Variants in FILIP1L observed in about 807,000 individuals in gnomAD.
FILIP1L encodes filamin A interacting protein 1 like.
A neutral mutation model predicts 96.6 loss-of-function variants in FILIP1L; 55 were observed. That is an observed-to-expected ratio of 0.57 (90% confidence interval 0.46 to 0.71). The LOEUF (loss-of-function observed/expected upper bound fraction) is 0.71. FILIP1L is among the 30% of genes least tolerant of loss of function. The pLI is 0.00. For synonymous variants in FILIP1L, 467 were observed against 473.9 expected (o/e 0.99, Z 0.19); for missense variants, 1,304 against 1,321.2 (o/e 0.99, Z 0.20).
Position 99,918,102 on chromosome 3 carries a change from T to A in FILIP1L, c.605+6128A>T, listed in dbSNP as rs142953951. On this transcript the variant is annotated intron_variant, in intron 4 of 5. Coordinates refer to ENST00000477258, the MANE Select transcript of FILIP1L (RefSeq NM_001387850.1). The stretch of plus-strand genomic sequence containing the variant: ...AAGTGATCCTTCTGCCTCAGCCTCC[T>A]GAGTAGCTGGGATTACAGGCGCGCG... Among the ~76,000 whole-genome samples the A allele has an allele frequency of 3.4e-3, 511 of 152,198 alleles. 1 individual carries two copies. The highest frequency in any genetic ancestry group is 5.5e-3 in the Non-Finnish European group (374 of 67,996).
At position 99,895,633 on chromosome 3, in the gene FILIP1L, A is replaced by G. The variant is rs79113905; in HGVS notation, c.605+28597T>C. Reference sequence around the variant, plus strand: ...TGGTTTTCGTATACCAAAAGGGGATAATCAGTGCAGATCGAAATAAACATT... The same window carrying G: ...TGGTTTTCGTATACCAAAAGGGGATGATCAGTGCAGATCGAAATAAACATT... On this transcript the variant is annotated intron_variant, in intron 4 of 5. Coordinates refer to ENST00000477258, the MANE Select transcript of FILIP1L (RefSeq NM_001387850.1). Among the ~76,000 whole-genome samples, 664 of 152,318 alleles carry G rather than the reference A, an allele frequency of 4.4e-3. 7 individuals are homozygous for G. The highest frequency in any genetic ancestry group is 0.016 in the African/African-American group (651 of 41,564).
At chr3:100,012,761 CT>C (rs35737304) in intron 1 of FILIP1L, among the ~76,000 whole-genome samples, 3,854 of 93,470 alleles carry the variant, frequency 0.041, 97 homozygotes, top group African/African-American at 0.079. Flanking sequence ...GAAGCATATT[CT>C]TTTTTTTTTT....
chr3:99,906,130 G>A (rs1226801198), intron 4 of FILIP1L, among the ~76,000 whole-genome samples: 2 of 152,210 alleles, frequency 1.3e-5, no homozygotes, highest in Non-Finnish European at 2.9e-5. Context: ...GGAGGCAGAG[G>A]TTGCAGTGAG....
chr3:99,975,577 C>T (rs1708945923), intron 1 of FILIP1L, among the ~76,000 whole-genome samples: 1 of 150,704 alleles, frequency 6.6e-6, no homozygotes, highest in South Asian at 2.1e-4. Flanking sequence ...GCAAATGAGA[C>T]TCCGTCTCAA....
chr3:100,029,214 A>G (rs1248402394), intron 1 of FILIP1L, among the ~76,000 whole-genome samples: 1 of 151,936 alleles, frequency 6.6e-6, no homozygotes, highest in Non-Finnish European at 1.5e-5. Flanking sequence ...TTGTCTAAAA[A>G]GAATTATTTT....
chr3:99,938,963 G>A (rs896872933), intron 1 of FILIP1L, among the ~76,000 whole-genome samples: 4 of 152,102 alleles, frequency 2.6e-5, no homozygotes, highest in African/African-American at 9.7e-5. Context: ...TTTAGTAATT[G>A]GCCTCCGTTA....
chr3:100,035,909 G>C (rs2107273917), intron 1 of FILIP1L, among the ~76,000 whole-genome samples: 1 of 152,258 alleles, frequency 6.6e-6, no homozygotes, highest in South Asian at 2.1e-4. Context: ...TCTATTATGT[G>C]ATTTGAACTT....
chr3:100,032,251 G>A lies in FILIP1L; in HGVS notation c.-11+81802C>T, dbSNP rs77447565. ...TCTTTCAGAGAGAGCAGATGGATGC[G>A]TTGGCCCTTGATTCTGTTTTAGGTA... On this transcript the variant is annotated intron_variant, in intron 1 of 5. Coordinates refer to ENST00000477258, the MANE Select transcript of FILIP1L (RefSeq NM_001387850.1). 2.0e-5 allele frequency among the ~76,000 whole-genome samples: 3 copies of A among 152,310 alleles called. 1 individual carries two copies. The highest frequency in any genetic ancestry group is 1.9e-4 in the East Asian group (1 of 5,190).
chr3:100,025,629 A>G (rs2064905825), intron 1 of FILIP1L: 1 of 152,158 alleles, frequency 6.6e-6, no homozygotes, highest in African/African-American at 2.4e-5. Flanking sequence ...AAGTGAAACA[A>G]GTCTTTGGGT....
At chr3:100,031,458 G>A (rs2065020713) in intron 1 of FILIP1L, among the ~76,000 whole-genome samples, 1 of 152,076 alleles carries the variant, frequency 6.6e-6, no homozygotes, top group African/African-American at 2.4e-5. Context: ...TGGTGATCTA[G>A]TAAGTGAGTG....
intron 1 of FILIP1L, among the ~76,000 whole-genome samples, chr3:100,096,207 C>A (rs1301686090): frequency 6.6e-6 from 1 of 152,062 alleles, no homozygotes; most frequent in East Asian, 1.9e-4. Context: ...TTTGGAGGTT[C>A]CTCAGAAAAC....
At chr3:99,942,211 AAAAG>A (rs1707872213) in intron 1 of FILIP1L, among the ~76,000 whole-genome samples, 1 of 152,172 alleles carries the variant, frequency 6.6e-6, no homozygotes, top group East Asian at 1.9e-4. Context: ...CAAAAAAAAA[AAAAG>A]AAGTTACTGT....
intron 4 of FILIP1L, among the ~76,000 whole-genome samples, chr3:99,854,566 T>C (rs1448524175): frequency 6.6e-6 from 1 of 152,212 alleles, no homozygotes; most frequent in Non-Finnish European, 1.5e-5. Context: ...TCAGCACTGT[T>C]GATATTTGGG....
intron 1 of FILIP1L, among the ~76,000 whole-genome samples, chr3:100,050,553 A>G (rs1359841268): frequency 6.6e-6 from 1 of 152,100 alleles, no homozygotes; most frequent in Non-Finnish European, 1.5e-5. Flanking sequence ...TTGTTTTGAG[A>G]CAGAGTCTCG....
intron 1 of FILIP1L, among the ~76,000 whole-genome samples, chr3:100,108,099 C>A (rs1195905809): frequency 1.3e-5 from 2 of 151,966 alleles, no homozygotes; most frequent in Non-Finnish European, 2.9e-5. Context: ...AACTTAGGGT[C>A]CCAAAGAAAA....
chr3:100,036,326 G>T (rs1026835340), intron 1 of FILIP1L, among the ~76,000 whole-genome samples: 1 of 152,118 alleles, frequency 6.6e-6, no homozygotes, highest in Non-Finnish European at 1.5e-5. Context: ...AAAAAGATGA[G>T]CCTGGAACAT....
intron 4 of FILIP1L, among the ~76,000 whole-genome samples, chr3:99,890,607 T>C (rs1706053889): frequency 6.6e-6 from 1 of 152,176 alleles, no homozygotes; most frequent in Admixed American, 6.5e-5. Flanking sequence ...TCCAGTTTAC[T>C]AATTCTCATT....
At chr3:100,077,152 T>C (rs1021066277) in intron 1 of FILIP1L, among the ~76,000 whole-genome samples, 1 of 152,208 alleles carries the variant, frequency 6.6e-6, no homozygotes, top group African/African-American at 2.4e-5. Flanking sequence ...TTGGATAGCT[T>C]GTACTTGACA....
chr3:99,895,055 C>G lies in FILIP1L; in HGVS notation c.605+29175G>C, dbSNP rs534130977. Among the ~76,000 whole-genome samples, 4 of 152,264 alleles carry G rather than the reference C, an allele frequency of 2.6e-5. No homozygotes were observed. The South Asian group carries it at 8.3e-4, about 32-fold the overall frequency. ...CCAACTAACCTGAAGAAAAGTAGCT[C>G]TGGAAATACTCTTGCCCTCCAGGTG... On this transcript the variant is annotated intron_variant, in intron 4 of 5. Coordinates refer to ENST00000477258, the MANE Select transcript of FILIP1L (RefSeq NM_001387850.1).
Sources: gnomAD v4.1 joint callset for allele counts (sites outside exome capture counted in the v4.1 genomes callset) on GRCh38, gnomAD v4.1.1 for gene constraint, MANE v1.5 for transcripts, NCBI Gene and HGNC (gene_info 2026-07-23, HGNC 2026-07-21) for gene names.